GALNT14: variants seen among roughly 807,000 people sequenced by gnomAD.
GALNT14 encodes the protein polypeptide N-acetylgalactosaminyltransferase 14, also known as UDP-GalNAc:polypeptide N-acetylgalactosaminyltransferase 14.
Under a neutral mutation model 77.5 loss-of-function variants are expected in GALNT14, and 60 were observed. That is an observed-to-expected ratio of 0.77 (90% CI 0.63 to 0.96). GALNT14 has a LOEUF of 0.96. Among genes scored for constraint, GALNT14 ranks in the 40% least tolerant of loss-of-function variants. GALNT14 has a pLI of 0.00. For missense variants in GALNT14, 710 were observed against 731.0 expected (o/e 0.97, Z 0.33); for synonymous variants, 280 against 281.7 (o/e 0.99, Z 0.06).
chr2:30,954,235 G>A (rs149119865), intron 6 of GALNT14, among the ~76,000 whole-genome samples: 1 of 152,342 alleles, frequency 6.6e-6, no homozygotes, highest in African/African-American at 2.4e-5. Flanking sequence ...CTGCAGAAGA[G>A]AGCATGGAGG....
chr2:30,968,780 T>C (rs1403688694), intron 2 of GALNT14, among the ~76,000 whole-genome samples: 2 of 152,184 alleles, frequency 1.3e-5, no homozygotes, highest in African/African-American at 2.4e-5. Flanking sequence ...CAAAGTTTAA[T>C]CAGGAGTGAT....
chr2:31,039,016 T>A (rs756142711), intron 1 of GALNT14, among the ~76,000 whole-genome samples: 11 of 152,182 alleles, frequency 7.2e-5, no homozygotes, highest in Non-Finnish European at 1.3e-4. Context: ...AGTGCTGGGA[T>A]TGCAGGCGTG....
intron 2 of GALNT14, among the ~76,000 whole-genome samples, chr2:30,991,707 A>G (rs1181048254): frequency 6.6e-6 from 1 of 152,204 alleles, no homozygotes; most frequent in Non-Finnish European, 1.5e-5. Context: ...GCTTTTGGCA[A>G]TGATGGGGAT....
intron 1 of GALNT14, among the ~76,000 whole-genome samples, chr2:31,076,863 G>C (rs1364227166): frequency 6.6e-6 from 1 of 151,990 alleles, no homozygotes; most frequent in African/African-American, 2.4e-5. Context: ...GATGAACCAG[G>C]ACTTAAGATC....
chr2:30,909,080 A>T (rs935383735), downstream of GALNT14, among the ~76,000 whole-genome samples: 55 of 152,234 alleles, frequency 3.6e-4, no homozygotes, highest in African/African-American at 1.3e-3. Flanking sequence ...AAAGACTTAA[A>T]TGTTAGACCT....
At chr2:30,929,846 C>A (rs117144745) in intron 10 of GALNT14, among the ~76,000 whole-genome samples, 1,532 of 152,264 alleles carry the variant, frequency 0.01, 38 homozygotes, top group East Asian at 0.074. Flanking sequence ...ACATGAAATT[C>A]ATTCATGTTT....
rs1018197749 is a variant in GALNT14 at position 31,040,128 on chromosome 2, C to G, written c.130-47121G>C. On this transcript the variant is annotated intron_variant, in intron 1 of 14. Coordinates refer to ENST00000349752, the MANE Select transcript of GALNT14 (RefSeq NM_024572.4). ...ACTGTTTATTTCTATTGTATACTGT[C>G]ACAAATTTATGACAAATGTACTCAG... Among the ~76,000 whole-genome samples the G allele has an allele frequency of 2.0e-5, 3 of 152,136 alleles. No individual in the cohort carries two copies. In the South Asian group the frequency reaches 6.2e-4, roughly 32 times the overall value.
intron 1 of GALNT14, among the ~76,000 whole-genome samples, chr2:31,086,330 T>C (rs1417749523): frequency 6.6e-6 from 1 of 152,210 alleles, no homozygotes; most frequent in East Asian, 1.9e-4. Context: ...ACTGCCCTAC[T>C]GAGCAGGTCC....
intron 1 of GALNT14, among the ~76,000 whole-genome samples, chr2:31,065,717 C>T (rs1674905460): frequency 6.6e-6 from 1 of 152,178 alleles, no homozygotes; most frequent in African/African-American, 2.4e-5. Context: ...GAAGGCATCA[C>T]ATTCAAATCG....
At chr2:31,080,630 AC>A (rs1434008596) in intron 1 of GALNT14, among the ~76,000 whole-genome samples, 1 of 151,234 alleles carries the variant, frequency 6.6e-6, no homozygotes, top group Non-Finnish European at 1.5e-5. Flanking sequence ...ATTAAAGAAA[AC>A]CCCCTGTTCT....
At chr2:31,083,066 ATAATAATG>A (rs1224122568) in intron 1 of GALNT14, among the ~76,000 whole-genome samples, 1 of 152,170 alleles carries the variant, frequency 6.6e-6, no homozygotes, top group Non-Finnish European at 1.5e-5. Flanking sequence ...ATTAATAATA[ATAATAATG>A]TAGCCTGCTA....
the GALNT14 span, among the ~76,000 whole-genome samples, chr2:30,904,976 T>G: frequency 6.6e-6 from 1 of 151,992 alleles, no homozygotes; most frequent in Non-Finnish European, 1.5e-5. Flanking sequence ...GGCAGGGTAT[T>G]CCAACAGACC....
chr2:31,019,730 C>T (rs1671600808), intron 1 of GALNT14, among the ~76,000 whole-genome samples: 2 of 152,206 alleles, frequency 1.3e-5, no homozygotes, highest in African/African-American at 2.4e-5. Context: ...CCCAGCTCTG[C>T]ACTCACTCAC....
At chr2:31,113,608 G>A (rs905951417) in intron 1 of GALNT14, among the ~76,000 whole-genome samples, 1 of 152,154 alleles carries the variant, frequency 6.6e-6, no homozygotes, top group Admixed American at 6.5e-5. Context: ...CCAACAGCCT[G>A]GCTGGTGGTA....
chr2:31,004,332 G>A (rs558069262), intron 1 of GALNT14, among the ~76,000 whole-genome samples: 10 of 152,298 alleles, frequency 6.6e-5, no homozygotes, highest in Non-Finnish European at 1.5e-4. Flanking sequence ...CTATAACCAG[G>A]AGGCCAATAC....
intron 1 of GALNT14, among the ~76,000 whole-genome samples, chr2:31,135,672 T>C (rs1679198181): frequency 6.6e-6 from 1 of 152,196 alleles, no homozygotes; most frequent in Non-Finnish European, 1.5e-5. Context: ...ACCTCCTCTT[T>C]TGTGACTGCA....
intron 2 of GALNT14, among the ~76,000 whole-genome samples, chr2:30,970,875 T>C (rs1212524985): frequency 6.6e-6 from 1 of 152,094 alleles, no homozygotes; most frequent in African/African-American, 2.4e-5. Flanking sequence ...CAGGTGACCC[T>C]CACAACCGCC....
Position 31,138,271 on chromosome 2 carries a change from G to T in GALNT14, c.-185C>A. 1 of 713,564 alleles carries T rather than the reference G, an allele frequency of 1.4e-6. No homozygotes were observed. Among genetic ancestry groups the T allele is most frequent in the Non-Finnish European group, 2.3e-6 (1 of 440,432 alleles). 44.2% of individuals were successfully genotyped at this position (713,564 alleles called of 1,614,324 possible). A position where few individuals can be genotyped will look rare whatever the true frequency, so the allele number is the denominator to read the frequency against. ...CCGCTTCGAAGAGAAGCGAGCCTGG[G>T]TGGGGGGTGCAGGGCGACCCGAAAC... On this transcript the variant is annotated 5_prime_UTR_variant, in exon 1 of 15. Transcript: ENST00000349752.
At chr2:31,074,855 A>T (rs1379121948) in intron 1 of GALNT14, among the ~76,000 whole-genome samples, 1 of 152,196 alleles carries the variant, frequency 6.6e-6, no homozygotes, top group East Asian at 1.9e-4. Context: ...GGCCATGGAT[A>T]CTGAGAAGAA....
Sources: gnomAD v4.1 joint callset for allele counts (sites outside exome capture counted in the v4.1 genomes callset) on GRCh38, gnomAD v4.1.1 for gene constraint, MANE v1.5 for transcripts, NCBI Gene and HGNC (gene_info 2026-07-23, HGNC 2026-07-21) for gene names.